Variants in COL27A1 observed in about 807,000 individuals in gnomAD.
The protein encoded by COL27A1 is collagen alpha-1(XXVII) chain.
Under a neutral mutation model 251.3 loss-of-function variants are expected in COL27A1, and 106 were observed. The ratio of observed to expected loss-of-function variants is 0.42; its 90% confidence interval spans 0.36 to 0.50. COL27A1 has a LOEUF of 0.50. Ranked by LOEUF, COL27A1 falls within the 20% of genes least tolerant of loss-of-function variation. COL27A1 has a pLI of 0.00. For missense variants in COL27A1, 2,325 were observed against 2,522.8 expected, an observed-to-expected ratio of 0.92 and a Z score of 1.68; for synonymous variants, 1,000 against 986.3, an observed-to-expected ratio of 1.01 and a Z score of -0.26.
intron 19 of COL27A1, among the ~76,000 whole-genome samples, chr9:114,239,488 C>T (rs868148417): frequency 2.0e-5 from 3 of 152,214 alleles, no homozygotes. Flanking sequence ...GAGGGCAGGG[C>T]TCTGGGAACT....
At chr9:114,237,093 G>A (rs1389873315) in intron 18 of COL27A1, 59 bp downstream of exon 18, 18 of 1,486,318 alleles carry the variant, frequency 1.2e-5, no homozygotes, top group Non-Finnish European at 1.6e-5. Flanking sequence ...ATCGTGTAAT[G>A]TGGCTGGGGA....
In COL27A1 at chr9:114,169,014, T is replaced by C. The variant is rs1934909426; in HGVS notation, c.1459T>C (p.Leu487=). The C allele has an allele frequency of 1.2e-6, 2 of 1,614,012 alleles. No individual in the cohort carries two copies. The highest frequency in any genetic ancestry group is 2.7e-5 in the African/African-American group (2 of 74,982). The change falls in exon 3 of 61, where the codon TTA becomes CTA. Residue 487 remains leucine, a synonymous_variant. Coordinates refer to ENST00000356083, the MANE Select transcript of COL27A1 (RefSeq NM_032888.4). ...STHKPPPFTA[L]SSSPAPTPGS... Reference sequence around the variant, plus strand: ...CCACAAACCTCCCCCATTTACTGCTTTATCCTCATCTCCTGCCCCTACTCC... The same window carrying C: ...CCACAAACCTCCCCCATTTACTGCTCTATCCTCATCTCCTGCCCCTACTCC...
At chr9:114,289,118 G>C in intron 44 of COL27A1, 124 bp from the exon 45 acceptor site, 1 of 1,387,078 alleles carries the variant, frequency 7.2e-7, no homozygotes, top group Non-Finnish European at 9.9e-7. Context: ...CCTGACCCTG[G>C]GGATGCCCCC....
At chr9:114,219,519 A>C (rs1221000964) in intron 12 of COL27A1, among the ~76,000 whole-genome samples, 4 of 152,150 alleles carry the variant, frequency 2.6e-5, no homozygotes, top group African/African-American at 9.7e-5. Context: ...ACCAGATCTC[A>C]GAATAGGGGA....
intron 37 of COL27A1, among the ~76,000 whole-genome samples, chr9:114,276,918 T>A (rs1326044596): frequency 6.6e-6 from 1 of 152,208 alleles, no homozygotes; most frequent in African/African-American, 2.4e-5. Flanking sequence ...TTGATACCGA[T>A]AGCAACCCCT....
At chr9:114,264,047 C>T (rs373628401) in intron 28 of COL27A1, among the ~76,000 whole-genome samples, 8 of 152,234 alleles carry the variant, frequency 5.3e-5, no homozygotes, top group African/African-American at 4.8e-5. Flanking sequence ...TCAGTCTCCA[C>T]GTCTGTGAAA....
intron 27 of COL27A1, among the ~76,000 whole-genome samples, chr9:114,254,423 A>T (rs1489742813): frequency 2.6e-5 from 4 of 152,112 alleles, no homozygotes; most frequent in Non-Finnish European, 4.4e-5. Flanking sequence ...AACTTGCTTC[A>T]GATCCCTGTT....
intron 27 of COL27A1, among the ~76,000 whole-genome samples, chr9:114,253,392 G>GAA (rs902105226): frequency 2.0e-5 from 2 of 98,652 alleles, no homozygotes; most frequent in African/African-American, 9.0e-5. Context: ...AAAGAAAAAA[G>GAA]AAAGAGGAAA....
At position 114,204,955 on chromosome 9, in the gene COL27A1, A is replaced by G. The variant is rs537481145; in HGVS notation, c.2125-147A>G. 4.7e-5 allele frequency: 31 copies of G among 655,372 alleles called. No homozygotes were observed. The Admixed American group carries it at 7.7e-4, about 16-fold the overall frequency. 40.6% of individuals were successfully genotyped at this position (655,372 alleles called of 1,614,324 possible). On this transcript the variant is annotated intron_variant, in intron 7 of 60. Coordinates refer to ENST00000356083, the MANE Select transcript of COL27A1 (RefSeq NM_032888.4). ...GAACCCTCACATGGTATCTGCATCC[A>G]TCTGGGGAACCTTTACTGAGTGCAC...
intron 49 of COL27A1, among the ~76,000 whole-genome samples, 156 bp from the exon 50 acceptor site, chr9:114,299,914 G>T (rs1828498827): frequency 6.6e-6 from 1 of 152,176 alleles, no homozygotes; most frequent in African/African-American, 2.4e-5. Context: ...CATCTAGTTT[G>T]TGAGCTGTTC....
chr9:114,164,744 T>TAGTG (rs1470896202), intron 2 of COL27A1, among the ~76,000 whole-genome samples: 1 of 152,178 alleles, frequency 6.6e-6, no homozygotes, highest in African/African-American at 2.4e-5. Flanking sequence ...TTCATGATAA[T>TAGTG]AAGAGGGTTT....
intron 14 of COL27A1, among the ~76,000 whole-genome samples, chr9:114,228,644 A>T (rs1831693496): frequency 6.6e-6 from 1 of 152,220 alleles, no homozygotes; most frequent in South Asian, 2.1e-4. Context: ...CATCTATGAA[A>T]TGGGGACAGT....
At chr9:114,267,981 G>A (rs7027370) in intron 34 of COL27A1, among the ~76,000 whole-genome samples, 44,817 of 152,136 alleles carry the variant, frequency 0.29, 7,635 homozygotes, top group Admixed American at 0.4. Flanking sequence ...TGGCTAGCCC[G>A]TGGACATTGT....
intron 41 of COL27A1, among the ~76,000 whole-genome samples, chr9:114,285,010 C>T (rs565676423): frequency 1.3e-5 from 2 of 152,322 alleles, no homozygotes; most frequent in African/African-American, 2.4e-5. Flanking sequence ...AGCGCTGGAA[C>T]GAAAACATGC....
At chr9:114,181,452 G>A (rs1332269847) in intron 4 of COL27A1, among the ~76,000 whole-genome samples, 1 of 152,146 alleles carries the variant, frequency 6.6e-6, no homozygotes, top group Non-Finnish European at 1.5e-5. Context: ...GCTGCAGCTG[G>A]GAAGCTGGCC....
At chr9:114,246,701 A>G (rs2135505098) in intron 24 of COL27A1, among the ~76,000 whole-genome samples, 1 of 152,308 alleles carries the variant, frequency 6.6e-6, no homozygotes, top group African/African-American at 2.4e-5. Context: ...TGAGAGTCAC[A>G]CACGATGGGC....
In COL27A1 at chr9:114,194,388, A is replaced by G; in HGVS notation, c.2017-16A>G. 6.2e-7 allele frequency: 1 copy of G among 1,613,296 alleles called. No homozygotes were observed. Among genetic ancestry groups the G allele is most frequent in the South Asian group, 1.1e-5 (1 of 90,876 alleles). On this transcript the variant is annotated splice_polypyrimidine_tract_variant and intron_variant, in intron 5 of 60. Coordinates refer to ENST00000356083, the MANE Select transcript of COL27A1 (RefSeq NM_032888.4). Reference sequence around the variant, plus strand: ...TAGATGACTTGGTGGCCAAAGTGGAATTGTTTTTGTTTCAGGGACAGAAAG... The same window carrying G: ...TAGATGACTTGGTGGCCAAAGTGGAGTTGTTTTTGTTTCAGGGACAGAAAG...
intron 1 of COL27A1, among the ~76,000 whole-genome samples, chr9:114,158,765 G>A (rs1350399157): frequency 6.6e-6 from 1 of 152,200 alleles, no homozygotes; most frequent in Non-Finnish European, 1.5e-5. Context: ...ATGGCTCGTT[G>A]GCTCCCTGGG....
chr9:114,177,869 C>T (rs1352259914), intron 3 of COL27A1, among the ~76,000 whole-genome samples: 5 of 152,172 alleles, frequency 3.3e-5, no homozygotes, highest in South Asian at 2.1e-4. Flanking sequence ...TTTTATCAAA[C>T]GTTTGGCTGA....
Sources: gnomAD v4.1 joint callset for allele counts (sites outside exome capture counted in the v4.1 genomes callset) on GRCh38, gnomAD v4.1.1 for gene constraint, MANE v1.5 for transcripts, NCBI Gene and HGNC (gene_info 2026-07-23, HGNC 2026-07-21) for gene names.